ERBB4: variants seen among roughly 807,000 people sequenced by gnomAD.
The protein encoded by ERBB4 is receptor tyrosine-protein kinase erbB-4.
Under a neutral mutation model 158.0 loss-of-function variants are expected in ERBB4, and 42 were observed. The observed-to-expected ratio is 0.27, with a 90% CI of 0.21 to 0.34. The LOEUF (loss-of-function observed/expected upper bound fraction) is 0.34. ERBB4 is among the 10% of genes least tolerant of loss of function. The probability of loss-of-function intolerance (pLI) is 1.00; values close to 1 mark genes in which losing one functional copy is unlikely to be tolerated. For missense variants in ERBB4, 1,333 were observed against 1,624.1 expected, an observed-to-expected ratio of 0.82 and a Z score of 3.08; for synonymous variants, 583 against 558.7, an observed-to-expected ratio of 1.04 and a Z score of -0.61.
intron 1 of ERBB4, among the ~76,000 whole-genome samples, chr2:212,240,249 G>A (rs572044982): frequency 3.1e-4 from 47 of 152,138 alleles, no homozygotes; most frequent in Admixed American, 2.6e-3. Context: ...AAGCAAAAAC[G>A]TCACTCTCAC....
intron 15 of ERBB4, among the ~76,000 whole-genome samples, chr2:211,659,361 A>C (rs954024427): frequency 6.6e-6 from 1 of 152,114 alleles, no homozygotes; most frequent in Non-Finnish European, 1.5e-5. Flanking sequence ...ATAGCATTAA[A>C]TTAGTATTAT....
intron 7 of ERBB4, among the ~76,000 whole-genome samples, chr2:211,717,578 C>A (rs62182979): frequency 6.6e-6 from 1 of 152,018 alleles, no homozygotes; most frequent in Admixed American, 6.5e-5. Flanking sequence ...GCCTGTAATC[C>A]CAGCACTTTG....
At chr2:212,221,116 G>A (rs779118730) in intron 1 of ERBB4, among the ~76,000 whole-genome samples, 8 of 151,320 alleles carry the variant, frequency 5.3e-5, no homozygotes, top group Non-Finnish European at 7.4e-5. Context: ...ACAGGGGGTG[G>A]TTTTTGAGTG....
Position 211,580,817 on chromosome 2 carries a change from ATATATAT to A in ERBB4, c.2302-18736_2302-18730del, listed in dbSNP as rs1301445979. 1.5e-3 allele frequency among the ~76,000 whole-genome samples: 48 copies of A among 31,736 alleles called. 5 individuals carry two copies. Among genetic ancestry groups the A allele is most frequent in the African/African-American group, 3.2e-3 (45 of 13,888 alleles). 20.8% of individuals were successfully genotyped at this position (31,736 alleles called of 152,430 possible). On this transcript the variant is annotated intron_variant, in intron 19 of 27. Transcript: ENST00000342788. ...ATATATATATATATATATATAATAT[ATATATAT>A]TATATATATAGATTATATATTATAT...
intron 12 of ERBB4, among the ~76,000 whole-genome samples, chr2:211,693,398 C>T: frequency 6.6e-6 from 1 of 151,890 alleles, no homozygotes; most frequent in Admixed American, 6.6e-5. Flanking sequence ...CAAAAAAACC[C>T]CACTATTTAT....
At chr2:211,866,821 C>A (rs1271327401) in intron 3 of ERBB4, among the ~76,000 whole-genome samples, 2 of 151,650 alleles carry the variant, frequency 1.3e-5, no homozygotes, top group Non-Finnish European at 2.9e-5. Context: ...AATACATTGA[C>A]CTAAAATTAT....
chr2:211,429,085 TAGTTCTTAA>T (rs1359606220), intron 21 of ERBB4, among the ~76,000 whole-genome samples: 2 of 152,250 alleles, frequency 1.3e-5, no homozygotes, highest in African/African-American at 4.8e-5. Context: ...TAACTTTCTA[TAGTTCTTAA>T]TTAACATTCA....
At chr2:212,208,897 TTTA>T (rs2082847520) in intron 1 of ERBB4, among the ~76,000 whole-genome samples, 1 of 152,168 alleles carries the variant, frequency 6.6e-6, no homozygotes, top group Non-Finnish European at 1.5e-5. Context: ...TTTATTCTTT[TTTA>T]TTCTTTTATA....
intron 1 of ERBB4, among the ~76,000 whole-genome samples, chr2:212,443,952 T>C (rs1356165096): frequency 6.6e-6 from 1 of 152,208 alleles, no homozygotes; most frequent in Non-Finnish European, 1.5e-5. Flanking sequence ...GGGTGCTTTC[T>C]GACCCATCAA....
At position 212,110,237 on chromosome 2, in the gene ERBB4, G is replaced by C. The variant is rs549941999; in HGVS notation, c.234+14515C>G. Among the ~76,000 whole-genome samples, 3 of 152,310 alleles carry C rather than the reference G, an allele frequency of 2.0e-5. No individual in the cohort carries two copies. The East Asian group carries it at 5.8e-4, about 29-fold the overall frequency. On this transcript the variant is annotated intron_variant, in intron 2 of 27. Coordinates refer to ENST00000342788, the MANE Select transcript of ERBB4 (RefSeq NM_005235.3). ...TAAGCTATTTGGAAAACACTGTGGA[G>C]CTCATTTAGCATTTGTTTTCATTAT... is the stretch of plus-strand genomic sequence containing the variant.
chr2:211,696,564 T>C (rs1395122282), intron 12 of ERBB4, among the ~76,000 whole-genome samples: 1 of 152,190 alleles, frequency 6.6e-6, no homozygotes, highest in Non-Finnish European at 1.5e-5. Context: ...ACCCAGGCCA[T>C]TTGGCTCTAG....
chr2:211,584,085 T>C (rs371637248), intron 19 of ERBB4, among the ~76,000 whole-genome samples: 4 of 149,590 alleles, frequency 2.7e-5, no homozygotes, highest in African/African-American at 7.4e-5. Flanking sequence ...GCCATGTCCA[T>C]TGTGCATGTC....
At chr2:212,264,590 T>C (rs1176383940) in intron 1 of ERBB4, among the ~76,000 whole-genome samples, 5 of 152,118 alleles carry the variant, frequency 3.3e-5, no homozygotes, top group Non-Finnish European at 7.4e-5. Context: ...CTACTAGGCA[T>C]TGTCATTCTG....
intron 20 of ERBB4, among the ~76,000 whole-genome samples, chr2:211,547,367 C>A (rs1180205865): frequency 6.6e-6 from 1 of 152,040 alleles, no homozygotes; most frequent in Middle Eastern, 3.2e-3. Context: ...CCAAGCAAAT[C>A]ACTTGACATT....
intron 1 of ERBB4, among the ~76,000 whole-genome samples, chr2:212,532,150 A>T (rs1692788250): frequency 6.6e-6 from 1 of 152,190 alleles, no homozygotes; most frequent in Admixed American, 6.5e-5. Context: ...TGCTACAGAA[A>T]ATGATATTGG....
intron 20 of ERBB4, among the ~76,000 whole-genome samples, chr2:211,432,616 A>C (rs1464198493): frequency 6.6e-6 from 1 of 152,086 alleles, no homozygotes; most frequent in Admixed American, 6.5e-5. Context: ...AAAAAAAAAA[A>C]AAAACAAATA....
chr2:211,944,185 A>G (rs1330855590), intron 3 of ERBB4, among the ~76,000 whole-genome samples: 2 of 45,512 alleles, frequency 4.4e-5, no homozygotes, highest in Non-Finnish European at 8.8e-5. Context: ...TACTATATAT[A>G]TATATATATA....
At chr2:211,749,513 C>A (rs952591834) in intron 5 of ERBB4, among the ~76,000 whole-genome samples, 9 of 141,962 alleles carry the variant, frequency 6.3e-5, no homozygotes, top group African/African-American at 2.3e-4. Flanking sequence ...GTGGGACCCA[C>A]GTGGGAAGAT....
At chr2:211,733,405 T>C (rs1276872437) in intron 5 of ERBB4, among the ~76,000 whole-genome samples, 2 of 152,192 alleles carry the variant, frequency 1.3e-5, no homozygotes, top group Non-Finnish European at 2.9e-5. Context: ...CCTGTAGATA[T>C]TGATTTCAAG....
Sources: gnomAD v4.1 joint callset for allele counts (sites outside exome capture counted in the v4.1 genomes callset) on GRCh38, gnomAD v4.1.1 for gene constraint, MANE v1.5 for transcripts, NCBI Gene and HGNC (gene_info 2026-07-23, HGNC 2026-07-21) for gene names.